PIGK: variants seen among roughly 807,000 people sequenced by gnomAD.
The protein encoded by PIGK is phosphatidylinositol glycan anchor biosynthesis class K.
In PIGK, 42 loss-of-function variants were observed where a neutral mutation model predicts 50.6. The ratio of observed to expected loss-of-function variants is 0.83; its 90% CI spans 0.65 to 1.07. The LOEUF is 1.07. Among genes scored for constraint, PIGK ranks in the 50% least tolerant of loss-of-function variants. PIGK has a pLI of 0.00. For missense variants in PIGK, 448 were observed against 488.7 expected, an observed-to-expected ratio of 0.92 and a Z score of 0.78; for synonymous variants, 151 against 156.0, an observed-to-expected ratio of 0.97 and a Z score of 0.24.
intron 10 of PIGK, among the ~76,000 whole-genome samples, chr1:77,115,533 A>G (rs1388733881): frequency 1.3e-5 from 2 of 152,072 alleles, no homozygotes; most frequent in Non-Finnish European, 2.9e-5. Flanking sequence ...CGATGCACAG[A>G]TCAGTCCTGC....
intron 3 of PIGK, among the ~76,000 whole-genome samples, chr1:77,196,762 T>C (rs1184937320): frequency 6.6e-6 from 1 of 152,218 alleles, no homozygotes; most frequent in Non-Finnish European, 1.5e-5. Flanking sequence ...TCCCACTCTG[T>C]AGGTTGTCCG....
At chr1:77,167,537 T>A (rs1027756875) in intron 4 of PIGK, among the ~76,000 whole-genome samples, 9 of 151,270 alleles carry the variant, frequency 5.9e-5, no homozygotes, top group African/African-American at 2.2e-4. Flanking sequence ...TGAGGCCAAG[T>A]GTTCAAAAAC....
At chr1:77,174,559 T>G (rs1655439400) in intron 3 of PIGK, among the ~76,000 whole-genome samples, 1 of 152,164 alleles carries the variant, frequency 6.6e-6, no homozygotes, top group Non-Finnish European at 1.5e-5. Context: ...AAATATACTT[T>G]TAGGGATAGC....
At chr1:77,150,444 C>G (rs767219387) in intron 9 of PIGK, among the ~76,000 whole-genome samples, 2 of 149,636 alleles carry the variant, frequency 1.3e-5, no homozygotes, top group Non-Finnish European at 3.0e-5. Flanking sequence ...TCGCTTGAGC[C>G]CAGGAGTTCC....
chr1:77,092,316 G>A lies in PIGK; in HGVS notation c.*58C>T. On this transcript the variant is annotated 3_prime_UTR_variant, in exon 11 of 11. Transcript: ENST00000370812. ...AAACACATTTTTAAAAATATATAAT[G>A]ACATAAATTATTATCCAAGTTTGCA... is the stretch of plus-strand genomic sequence containing the variant. 2 of 726,214 alleles carry A rather than the reference G, an allele frequency of 2.8e-6. No homozygotes were observed. Among genetic ancestry groups the A allele is most frequent in the South Asian group, 3.6e-5 (2 of 55,352 alleles). 45.0% of individuals were successfully genotyped at this position (726,214 alleles called of 1,614,324 possible). A position where few individuals can be genotyped will look rare whatever the true frequency, so the allele number is the denominator to read the frequency against.
intron 9 of PIGK, among the ~76,000 whole-genome samples, chr1:77,133,996 G>A (rs940161462): frequency 2.0e-5 from 3 of 152,110 alleles, no homozygotes; most frequent in Non-Finnish European, 4.4e-5. Flanking sequence ...CACCTATAGC[G>A]CAGAGGTATG....
At chr1:77,184,786 G>GTA (rs1209685221) in intron 3 of PIGK, among the ~76,000 whole-genome samples, 1 of 152,174 alleles carries the variant, frequency 6.6e-6, no homozygotes, top group African/African-American at 2.4e-5. Flanking sequence ...TCCTTGACTG[G>GTA]TAGGGTGAGC....
chr1:77,202,378 G>A (rs1416442000), intron 3 of PIGK, among the ~76,000 whole-genome samples: 1 of 152,182 alleles, frequency 6.6e-6, no homozygotes, highest in Non-Finnish European at 1.5e-5. Flanking sequence ...GACCCAGAAA[G>A]CTTTAGGGAA....
chr1:77,195,061 C>T, intron 3 of PIGK: 1 of 915,992 alleles, frequency 1.1e-6, no homozygotes, highest in Non-Finnish European at 1.8e-6. Flanking sequence ...CCTGGCTGTG[C>T]ACACTGCCCA....
At chr1:77,170,302 C>G (rs554670682) in intron 3 of PIGK, among the ~76,000 whole-genome samples, 21 of 152,314 alleles carry the variant, frequency 1.4e-4, no homozygotes, top group Admixed American at 9.2e-4. Context: ...CAACTTCAGC[C>G]TCTACCACCC....
intron 3 of PIGK, among the ~76,000 whole-genome samples, chr1:77,175,079 G>A (rs1655452529): frequency 6.6e-6 from 1 of 152,020 alleles, no homozygotes. Flanking sequence ...TAATCTTTGG[G>A]AAATAAAAAA....
chr1:77,125,557 A>C (rs1159931294), intron 9 of PIGK, among the ~76,000 whole-genome samples: 2 of 152,094 alleles, frequency 1.3e-5, no homozygotes, highest in Non-Finnish European at 2.9e-5. Flanking sequence ...TGTGATGCTA[A>C]ATTGGTTCTA....
intron 3 of PIGK, among the ~76,000 whole-genome samples, chr1:77,169,631 T>G (rs1655315894): frequency 6.6e-6 from 1 of 152,184 alleles, no homozygotes. Flanking sequence ...TAATTATTTT[T>G]TTCATATCCT....
intron 10 of PIGK, among the ~76,000 whole-genome samples, chr1:77,109,154 A>G (rs540078783): frequency 3.0e-4 from 46 of 152,298 alleles, no homozygotes; most frequent in African/African-American, 1.1e-3. Context: ...GACCAGATGG[A>G]TTCACAGCCG....
chr1:77,148,469 T>C (rs1300589195), intron 9 of PIGK, among the ~76,000 whole-genome samples: 2 of 152,132 alleles, frequency 1.3e-5, no homozygotes, highest in Non-Finnish European at 2.9e-5. Context: ...AAAACAACAA[T>C]CTTCGGCAAT....
intron 3 of PIGK, among the ~76,000 whole-genome samples, chr1:77,184,974 G>A (rs952332947): frequency 6.6e-6 from 1 of 152,176 alleles, no homozygotes; most frequent in Non-Finnish European, 1.5e-5. Flanking sequence ...TCTCCCACCT[G>A]GCCTGGGCAG....
chr1:77,131,585 T>A (rs988862464), intron 9 of PIGK, among the ~76,000 whole-genome samples: 2 of 152,126 alleles, frequency 1.3e-5, no homozygotes, highest in African/African-American at 4.8e-5. Context: ...CTAAGCCACA[T>A]TGCCTTTTTA....
At chr1:77,176,415 C>A (rs1373238777) in intron 3 of PIGK, among the ~76,000 whole-genome samples, 1 of 152,090 alleles carries the variant, frequency 6.6e-6, no homozygotes. Context: ...TCAATATGTT[C>A]CAATATTGCA....
At chr1:77,150,408 T>G (rs1310647421) in intron 9 of PIGK, among the ~76,000 whole-genome samples, 1 of 149,056 alleles carries the variant, frequency 6.7e-6, no homozygotes, top group Non-Finnish European at 1.5e-5. Flanking sequence ...GTAGTCCCAG[T>G]TATGTGGGAG....
Sources: allele counts gnomAD v4.1 joint callset (sites outside exome capture counted in the v4.1 genomes callset), GRCh38; gene constraint gnomAD v4.1.1; transcripts MANE v1.5; gene names NCBI Gene and HGNC (gene_info 2026-07-23, HGNC 2026-07-21).